JAKMIP3: variants seen among roughly 807,000 people sequenced by gnomAD.
JAKMIP3 encodes Janus kinase and microtubule interacting protein 3.
JAKMIP3 carries 58 observed loss-of-function variants against 118.5 expected under a neutral mutation model. That is an observed-to-expected ratio of 0.49 (90% confidence interval 0.40 to 0.61). The LOEUF (loss-of-function observed/expected upper bound fraction) is 0.61, where lower values mean the gene tolerates loss of function less well. JAKMIP3 is among the 20% of genes least tolerant of loss of function. The pLI, the probability that JAKMIP3 is intolerant of heterozygous loss-of-function variation, is 0.00. For synonymous variants in JAKMIP3, 486 were observed against 451.2 expected (o/e 1.08, Z -0.98); for missense variants, 950 against 1,109.0 (o/e 0.86, Z 2.04).
intron 2 of JAKMIP3, among the ~76,000 whole-genome samples, chr10:132,111,258 G>A (rs1048883999): frequency 2.6e-5 from 4 of 152,142 alleles, no homozygotes; most frequent in South Asian, 4.1e-4. Flanking sequence ...CAGCAATGAC[G>A]GGGACAGGGG....
rs913364809 is a variant in JAKMIP3 at position 132,117,025 on chromosome 10, T to C, written c.136-52T>C. The C allele has an allele frequency of 6.4e-7, 1 of 1,554,614 alleles. No individual in the cohort carries two copies. Among genetic ancestry groups the C allele is most frequent in the Non-Finnish European group, 8.7e-7 (1 of 1,145,686 alleles). The stretch of plus-strand genomic sequence containing the variant: ...CCCCAAATGCACATTCAGGTGTGAG[T>C]GTGTGCATGGCTGGAGCTCCTGCCA... On this transcript the variant is annotated intron_variant, in intron 2 of 23. Transcript: ENST00000684848. This position sits in a 1 kb window ranked among gnomAD's most constrained non-coding sequence, Gnocchi z 8.6.
chr10:132,077,417 A>C (rs1229425507), intron 1 of JAKMIP3, among the ~76,000 whole-genome samples: 2 of 152,168 alleles, frequency 1.3e-5, no homozygotes, highest in Non-Finnish European at 2.9e-5. Flanking sequence ...TGAAGGGCAC[A>C]CTGGGCCACA....
chr10:132,122,273 G>T lies in JAKMIP3; in HGVS notation c.633+4699G>T, dbSNP rs553665403. Reference sequence around the variant, plus strand: ...TGACTGCCCCCCGGTCGGCTCCCCGGCTGTTGGGGCCCTGACTGCCCCCCG... The same window carrying T: ...TGACTGCCCCCCGGTCGGCTCCCCGTCTGTTGGGGCCCTGACTGCCCCCCG... On this transcript the variant is annotated intron_variant, in intron 3 of 23. Transcript: ENST00000684848. Among the ~76,000 whole-genome samples, 1,300 of 152,004 alleles carry T rather than the reference G, an allele frequency of 8.6e-3. 10 individuals carry two copies. Among genetic ancestry groups the T allele is most frequent in the Non-Finnish European group, 0.014 (929 of 67,880 alleles).
intron 21 of JAKMIP3, 144 bp from the exon 22 acceptor site, chr10:132,166,839 G>A (rs889485174): frequency 1.5e-6 from 1 of 649,930 alleles, no homozygotes. Flanking sequence ...CCCTCCCTCG[G>A]CACAGTCCTT....
At chr10:132,131,076 G>A (rs1157969213) in intron 3 of JAKMIP3, among the ~76,000 whole-genome samples, 1 of 152,064 alleles carries the variant, frequency 6.6e-6, no homozygotes, top group Non-Finnish European at 1.5e-5. Flanking sequence ...CTGTCCTGGA[G>A]AGTACCGTCT....
chr10:132,063,284 A>C (rs1241382333), upstream of JAKMIP3, among the ~76,000 whole-genome samples: 3 of 152,150 alleles, frequency 2.0e-5, no homozygotes, highest in African/African-American at 7.2e-5. Context: ...CTGTGACACA[A>C]GTGAGGCCTG....
At chr10:132,066,161 C>T (rs374951823) in intron 1 of JAKMIP3, among the ~76,000 whole-genome samples, 100 bp downstream of exon 1, 1 of 152,170 alleles carries the variant, frequency 6.6e-6, no homozygotes, top group South Asian at 2.1e-4. Context: ...GTATTTAGTG[C>T]GCACACGTAT....
At position 132,049,724 on chromosome 10, in the gene JAKMIP3, T is replaced by TCC. The variant is rs1024547889; in HGVS notation, c.-138+12987_-138+12988dup. ...GCCTCCAACTCCTGAATTCAAGTGA[T>TCC]CCTCCCACCTTGGCCTCCCAAAGTG... On this transcript the variant is annotated intron_variant, in intron 1 of 23. Coordinates refer to the JAKMIP3 transcript ENST00000657785. The surrounding 1 kb of genome is among the most constrained non-coding windows in gnomAD (Gnocchi z 4.3). 2.0e-5 allele frequency among the ~76,000 whole-genome samples: 3 copies of TCC among 152,126 alleles called. No individual in the cohort carries two copies. The highest frequency in any genetic ancestry group is 7.2e-5 in the African/African-American group (3 of 41,440).
At chr10:132,088,534 A>G (rs1051279830) in intron 1 of JAKMIP3, among the ~76,000 whole-genome samples, 1 of 151,956 alleles carries the variant, frequency 6.6e-6, no homozygotes, top group Non-Finnish European at 1.5e-5. Flanking sequence ...CATATCCTTC[A>G]CCCACTTTGT....
intron 1 of JAKMIP3, among the ~76,000 whole-genome samples, chr10:132,075,810 A>G (rs1007767961): frequency 2.0e-5 from 3 of 152,116 alleles, no homozygotes; most frequent in African/African-American, 7.2e-5. Context: ...AAGTCTTTTT[A>G]TATACCCCCA....
intron 1 of JAKMIP3, among the ~76,000 whole-genome samples, chr10:132,082,133 T>A (rs553458894): frequency 2.4e-4 from 36 of 147,800 alleles, no homozygotes; most frequent in African/African-American, 6.7e-4. Context: ...ACCTGGTAAT[T>A]CTTGATTAGA....
At chr10:132,126,101 C>A (rs193235746) in intron 3 of JAKMIP3, among the ~76,000 whole-genome samples, 1 of 152,200 alleles carries the variant, frequency 6.6e-6, no homozygotes, top group Non-Finnish European at 1.5e-5. Context: ...CAAGCTCATA[C>A]CTTTTGTTTT....
chr10:132,155,717 C>G (rs1297752359), intron 19 of JAKMIP3, among the ~76,000 whole-genome samples: 4 of 152,170 alleles, frequency 2.6e-5, no homozygotes, highest in African/African-American at 9.7e-5. Flanking sequence ...GGTAATGGCC[C>G]TCCTGTTGCT....
intron 20 of JAKMIP3, among the ~76,000 whole-genome samples, chr10:132,164,311 T>C (rs372270013): frequency 2.4e-4 from 36 of 152,344 alleles, no homozygotes; most frequent in African/African-American, 8.4e-4. Context: ...AGGCTCTCTC[T>C]GTGCCCAGCT....
upstream of JAKMIP3, among the ~76,000 whole-genome samples, chr10:132,064,937 G>T (rs998291780): frequency 6.6e-6 from 1 of 152,174 alleles, no homozygotes; most frequent in Non-Finnish European, 1.5e-5. The surrounding 1 kb of genome is among the most constrained non-coding windows in gnomAD (Gnocchi z 4.4). Flanking sequence ...GGCAGGTTGT[G>T]GGGGGCAGGC....
chr10:132,150,012 C>A lies in JAKMIP3; in HGVS notation c.1978C>A (p.Leu660Met), dbSNP rs1265141776. The A allele has an allele frequency of 6.3e-7, 1 of 1,592,402 alleles. No individual in the cohort carries two copies. The highest frequency in any genetic ancestry group is 2.3e-5 in the East Asian group (1 of 43,386). ...DIVVAELMKK[L>M]DILGDNAVSN... Reference sequence around the variant, plus strand: ...TGTGGTTGCGGAGCTGATGAAGAAGCTGGACATCCTGGGCGATAACGCCGT... The same window carrying A: ...TGTGGTTGCGGAGCTGATGAAGAAGATGGACATCCTGGGCGATAACGCCGT... Residue 660 changes from leucine (L) to methionine (M), a missense_variant, in exon 16 of 24, where the codon CTG becomes ATG. By Grantham distance (15) the Leu-to-Met change is conservative. Coordinates refer to ENST00000684848, the MANE Select transcript of JAKMIP3 (RefSeq NM_001323087.2).
chr10:132,064,958 C>T (rs530991330), upstream of JAKMIP3, among the ~76,000 whole-genome samples: 15 of 152,142 alleles, frequency 9.9e-5, no homozygotes, highest in East Asian at 2.3e-3. This position sits in a 1 kb window ranked among gnomAD's most constrained non-coding sequence, Gnocchi z 4.4. Flanking sequence ...AGGGTGCAGG[C>T]GAGGGAACTG....
upstream of JAKMIP3, among the ~76,000 whole-genome samples, chr10:132,059,829 A>C (rs2038343397): frequency 6.6e-6 from 1 of 152,220 alleles, no homozygotes; most frequent in African/African-American, 2.4e-5. Flanking sequence ...TCCCAGATAT[A>C]AGCTGACTTT....
rs79667284 is a variant in JAKMIP3 at position 132,174,478 on chromosome 10, G to A, written c.*1103+5445G>A. ...GTGGGTTTTCCTTCTGTTCCCGAGCGGAATCCCCTCGGGTGAAAGGACCAC... is the reference window on the plus strand; with the variant it reads ...GTGGGTTTTCCTTCTGTTCCCGAGCAGAATCCCCTCGGGTGAAAGGACCAC... On this transcript the variant is annotated intron_variant, in intron 23 of 23. Coordinates refer to ENST00000684848, the MANE Select transcript of JAKMIP3 (RefSeq NM_001323087.2). Among the ~76,000 whole-genome samples the A allele has an allele frequency of 5.1e-3, 781 of 152,136 alleles. 6 individuals carry two copies. The highest frequency in any genetic ancestry group is 0.017 in the African/African-American group (714 of 41,486).
Sources: allele counts gnomAD v4.1 joint callset (sites outside exome capture counted in the v4.1 genomes callset), GRCh38; gene constraint gnomAD v4.1.1; non-coding constraint Gnocchi (gnomAD v3.1); transcripts MANE v1.5; gene names NCBI Gene and HGNC (gene_info 2026-07-23, HGNC 2026-07-21).